Variants in RPS6KA5 observed in about 807,000 individuals in gnomAD.
RPS6KA5 encodes ribosomal protein S6 kinase A5, also known as ribosomal protein S6 kinase alpha-5.
RPS6KA5 carries 27 observed loss-of-function variants against 85.5 expected under a neutral mutation model. The observed-to-expected ratio is 0.32, with a 90% CI of 0.23 to 0.44. The LOEUF (loss-of-function observed/expected upper bound fraction) is 0.44, where lower values mean the gene tolerates loss of function less well. Among genes scored for constraint, RPS6KA5 ranks in the 20% least tolerant of loss-of-function variants. RPS6KA5 has a pLI of 1.00. For missense variants in RPS6KA5, 811 were observed against 980.9 expected (o/e 0.83, Z 2.31); for synonymous variants, 334 against 348.2 (o/e 0.96, Z 0.46).
At chr14:91,023,723 A>G (rs1409989910) in intron 1 of RPS6KA5, among the ~76,000 whole-genome samples, 1 of 151,482 alleles carries the variant, frequency 6.6e-6, no homozygotes, top group Non-Finnish European at 1.5e-5. Context: ...TTTGTATGTC[A>G]CTTTTAAGAA....
chr14:90,870,863 G>A lies in RPS6KA5; in HGVS notation c.*1211C>T, dbSNP rs1263832511. 1.5e-5 allele frequency: 2 copies of A among 130,028 alleles called. No homozygotes were observed. The highest frequency in any genetic ancestry group is 3.1e-5 in the Non-Finnish European group (2 of 64,110). The allele number at this position is 130,028 out of a possible 1,614,324, so 8.1% of individuals were successfully genotyped here. On this transcript the variant is annotated 3_prime_UTR_variant, in exon 17 of 17. Transcript: ENST00000614987. ...CGAATTAATTGTATTTTTAAATGCA[G>A]CAATCTTTTAATGAAATGTTTTCAT...
intron 5 of RPS6KA5, among the ~76,000 whole-genome samples, chr14:90,941,512 C>T (rs1243271069): frequency 1.3e-5 from 2 of 152,212 alleles, no homozygotes; most frequent in Non-Finnish European, 2.9e-5. Flanking sequence ...TCATCCTTAG[C>T]TGTGCCCATT....
rs764890059 is a variant in RPS6KA5 at position 90,867,423 on chromosome 14, T to G, written c.*4651A>C. 7 of 152,238 alleles carry G rather than the reference T, an allele frequency of 4.6e-5. No individual in the cohort carries two copies. Among genetic ancestry groups the G allele is most frequent in the Middle Eastern group, 3.4e-3 (1 of 294 alleles). 9.4% of individuals were successfully genotyped at this position (152,238 alleles called of 1,614,324 possible). A position where few individuals can be genotyped will look rare whatever the true frequency, so the allele number is the denominator to read the frequency against. ...ATGAGAAACAATAATGGAAACAGCA[T>G]AATACTACATACTATCCCAGTTTCC... On this transcript the variant is annotated 3_prime_UTR_variant, in exon 17 of 17. Transcript: ENST00000614987.
chr14:90,873,608 C>T, intron 16 of RPS6KA5, 24 bp downstream of exon 16: 1 of 1,594,988 alleles, frequency 6.3e-7, no homozygotes, highest in Non-Finnish European at 8.6e-7. Flanking sequence ...AACCGCCCAA[C>T]ATGTACAGAG....
At chr14:90,902,756 T>C in intron 9 of RPS6KA5, 52 bp downstream of exon 9, 1 of 1,520,500 alleles carries the variant, frequency 6.6e-7, no homozygotes, top group South Asian at 1.2e-5. Context: ...ATTTAATCTT[T>C]TCTTTCAAAG....
In RPS6KA5 at chr14:90,854,985, A is replaced by G. The variant is rs1032100362; in HGVS notation, c.*17089T>C. 3.3e-5 allele frequency: 5 copies of G among 152,212 alleles called. No individual in the cohort carries two copies. The highest frequency in any genetic ancestry group is 9.6e-5 in the African/African-American group (4 of 41,454). The allele number at this position is 152,212 out of a possible 1,614,324, so 9.4% of individuals were successfully genotyped here. Reference sequence around the variant, plus strand: ...TCTTATTTACATTTTCTATAAAAGTATTTTGAAGTTTTAAAAGTCTAATCG... The same window carrying G: ...TCTTATTTACATTTTCTATAAAAGTGTTTTGAAGTTTTAAAAGTCTAATCG... On this transcript the variant is annotated 3_prime_UTR_variant, in exon 17 of 17. Transcript: ENST00000614987.
chr14:90,996,603 AAAAT>A (rs1179646027), intron 2 of RPS6KA5, among the ~76,000 whole-genome samples: 2 of 152,138 alleles, frequency 1.3e-5, no homozygotes, highest in Non-Finnish European at 2.9e-5. Context: ...TTTTTAAAAT[AAAAT>A]AAATAATAAT....
intron 3 of RPS6KA5, among the ~76,000 whole-genome samples, chr14:90,959,341 T>G (rs946864224): frequency 1.3e-5 from 2 of 152,188 alleles, no homozygotes; most frequent in Non-Finnish European, 2.9e-5. Flanking sequence ...GATAGTAGTG[T>G]GATATGACTT....
chr14:90,983,231 C>T (rs544581972), intron 2 of RPS6KA5, among the ~76,000 whole-genome samples: 2 of 148,360 alleles, frequency 1.3e-5, no homozygotes, highest in Non-Finnish European at 3.0e-5. Context: ...TAGCCAAGGT[C>T]GCGCCATTTC....
chr14:90,963,551 C>T (rs1175157976), intron 3 of RPS6KA5, among the ~76,000 whole-genome samples: 1 of 152,170 alleles, frequency 6.6e-6, no homozygotes, highest in Non-Finnish European at 1.5e-5. Flanking sequence ...GCTTTCCCTT[C>T]GCCCCCAATT....
At chr14:90,961,642 T>C (rs767792901) in intron 3 of RPS6KA5, among the ~76,000 whole-genome samples, 1 of 152,150 alleles carries the variant, frequency 6.6e-6, no homozygotes, top group Admixed American at 6.6e-5. Flanking sequence ...TAATCAAAAG[T>C]AGACATTCTA....
chr14:91,015,716 A>T (rs1595476582), intron 1 of RPS6KA5, among the ~76,000 whole-genome samples: 1 of 152,264 alleles, frequency 6.6e-6, no homozygotes, highest in East Asian at 1.9e-4. Context: ...ATTAGCACAG[A>T]AATGTGGCAG....
intron 3 of RPS6KA5, among the ~76,000 whole-genome samples, chr14:90,971,869 T>C (rs2039336923): frequency 6.6e-6 from 1 of 152,096 alleles, no homozygotes; most frequent in South Asian, 2.1e-4. Context: ...CCAAACAACA[T>C]GGTTCAGGGC....
intron 1 of RPS6KA5, among the ~76,000 whole-genome samples, chr14:91,044,339 CAAAGAAAG>C (rs377595815): frequency 0.084 from 6,423 of 76,752 alleles, 299 homozygotes; most frequent in East Asian, 0.18. Context: ...GAAAGATAGA[CAAAGAAAG>C]AAAGAAAGAA....
intron 1 of RPS6KA5, chr14:91,052,285 TAAAAAAAAAAA>T (rs57523052): frequency 1.1e-3 from 231 of 212,844 alleles, no homozygotes; most frequent in Admixed American, 1.3e-3. Context: ...CCATCTCTAC[TAAAAAAAAAAA>T]AAAAAAAAAA....
chr14:90,956,953 A>C (rs1595333630), intron 3 of RPS6KA5, among the ~76,000 whole-genome samples: 2 of 131,944 alleles, frequency 1.5e-5, no homozygotes, highest in African/African-American at 5.7e-5. Context: ...CTTCCTACTT[A>C]CTGTTTTTCT....
chr14:90,985,004 G>C (rs899740077), intron 2 of RPS6KA5, among the ~76,000 whole-genome samples: 1 of 151,438 alleles, frequency 6.6e-6, no homozygotes, highest in Non-Finnish European at 1.5e-5. Context: ...GCAATGGCAC[G>C]ATCTTGGCTC....
chr14:91,022,459 T>A (rs895580956), intron 1 of RPS6KA5, among the ~76,000 whole-genome samples: 7 of 152,316 alleles, frequency 4.6e-5, no homozygotes, highest in Non-Finnish European at 8.8e-5. Context: ...CACTTCTCTG[T>A]GTCTTTCCAA....
chr14:91,044,439 A>AAGAAAGAAAG (rs2042782037), intron 1 of RPS6KA5, among the ~76,000 whole-genome samples: 2 of 145,890 alleles, frequency 1.4e-5, no homozygotes, highest in African/African-American at 2.6e-5. Flanking sequence ...GAAAGAAAGA[A>AAGAAAGAAAG]AGAAAGAAAA....
Sources: allele counts gnomAD v4.1 joint callset (sites outside exome capture counted in the v4.1 genomes callset), GRCh38; gene constraint gnomAD v4.1.1; transcripts MANE v1.5; gene names NCBI Gene and HGNC (gene_info 2026-07-23, HGNC 2026-07-21).